Variants in TMCC1 observed in about 807,000 individuals in gnomAD.
TMCC1 encodes transmembrane and coiled-coil domains protein 1.
In TMCC1, 15 loss-of-function variants were observed where a neutral mutation model predicts 52.4. That is an observed-to-expected ratio of 0.29 (90% CI 0.19 to 0.44). TMCC1 has a LOEUF of 0.44. TMCC1 is among the 20% of genes least tolerant of loss of function. TMCC1 has a pLI of 1.00. For synonymous variants in TMCC1, 279 were observed against 301.9 expected, an observed-to-expected ratio of 0.92 and a Z score of 0.79; for missense variants, 503 against 806.0, an observed-to-expected ratio of 0.62 and a Z score of 4.55.
rs1271391134 is a variant in TMCC1 at position 129,778,175 on chromosome 3, TAAAC to T, written c.576+49624_576+49627del. On this transcript the variant is annotated intron_variant, in intron 4 of 6. Transcript: ENST00000393238. The stretch of plus-strand genomic sequence containing the variant: ...TCATACATGCTTAGCAAGCAAAACT[TAAAC>T]AAGACATATTCTTCTAAGCTGAAAT... Among the ~76,000 whole-genome samples the T allele has an allele frequency of 5.3e-5, 8 of 152,310 alleles. No individual in the cohort carries two copies. The East Asian group carries it at 9.6e-4, about 18-fold the overall frequency.
At chr3:129,665,009 CA>C (rs375618280) in intron 5 of TMCC1, among the ~76,000 whole-genome samples, 157 of 152,298 alleles carry the variant, frequency 1.0e-3, no homozygotes, top group African/African-American at 3.4e-3. Flanking sequence ...CTGCCACTAA[CA>C]AAACATGGGA....
chr3:129,744,570 A>G (rs2051758933), intron 4 of TMCC1, among the ~76,000 whole-genome samples: 1 of 152,176 alleles, frequency 6.6e-6, no homozygotes. Context: ...ACAAGCACAC[A>G]CACCTGTGCC....
At chr3:129,849,725 C>T (rs984158074) in intron 2 of TMCC1, among the ~76,000 whole-genome samples, 1 of 151,450 alleles carries the variant, frequency 6.6e-6, no homozygotes, top group Non-Finnish European at 1.5e-5. Context: ...AAGATCACAC[C>T]ACCGCACTAC....
At position 129,742,458 on chromosome 3, in the gene TMCC1, T is replaced by A. The variant is rs561378844; in HGVS notation, c.577-71194A>T. Among the ~76,000 whole-genome samples, 11 of 152,098 alleles carry A rather than the reference T, an allele frequency of 7.2e-5. No individual in the cohort carries two copies. In the East Asian group the frequency reaches 1.9e-3, roughly 27 times the overall value. ...TGATTACAAATGGCCAATAAGCACA[T>A]AAAAAGATGCTCAGCTCATCATTAA... is the stretch of plus-strand genomic sequence containing the variant. On this transcript the variant is annotated intron_variant, in intron 4 of 6. Transcript: ENST00000393238.
chr3:129,784,113 A>G (rs2055772641), intron 4 of TMCC1, among the ~76,000 whole-genome samples: 1 of 152,214 alleles, frequency 6.6e-6, no homozygotes, highest in African/African-American at 2.4e-5. Flanking sequence ...AAAGAAGACA[A>G]GAAGACAAGC....
chr3:129,766,315 G>A (rs1250507495), intron 4 of TMCC1, among the ~76,000 whole-genome samples: 1 of 152,070 alleles, frequency 6.6e-6, no homozygotes, highest in Non-Finnish European at 1.5e-5. Flanking sequence ...CAGGACATCT[G>A]TTTCTGAGCA....
At chr3:129,779,724 A>T (rs1027269291) in intron 4 of TMCC1, among the ~76,000 whole-genome samples, 2 of 152,138 alleles carry the variant, frequency 1.3e-5, no homozygotes, top group African/African-American at 4.8e-5. Flanking sequence ...CTACATCCTA[A>T]ATGAAAATGG....
In TMCC1 at chr3:129,670,338, C is replaced by A; in HGVS notation, c.1503G>T (p.Glu501Asp). ...AATTCCATGTGACTTACCTATATCG[C>A]TCCTCCTGTAAGGTCTGCATTATTA... ...YSLIMQTLQEERYRCERLEEQ... is the reference protein window; with the variant it reads ...YSLIMQTLQEDRYRCERLEEQ... The change falls in exon 5 of 7, where the codon GAG becomes GAT. Residue 501 changes from glutamate (E) to aspartate (D), a missense_variant. Coordinates refer to ENST00000393238, the MANE Select transcript of TMCC1 (RefSeq NM_001017395.5). 2 of 1,613,024 alleles carry A rather than the reference C, an allele frequency of 1.2e-6. No individual in the cohort carries two copies. The highest frequency in any genetic ancestry group is 1.7e-6 in the Non-Finnish European group (2 of 1,179,354).
chr3:129,859,990 A>G (rs543580482), intron 2 of TMCC1, among the ~76,000 whole-genome samples: 2 of 152,334 alleles, frequency 1.3e-5, no homozygotes, highest in South Asian at 4.1e-4. Context: ...ATGATAACTG[A>G]AAAAACCTGT....
chr3:129,770,129 A>G (rs2054436446), intron 4 of TMCC1, among the ~76,000 whole-genome samples: 1 of 152,222 alleles, frequency 6.6e-6, no homozygotes, highest in African/African-American at 2.4e-5. Context: ...TAAGGTTGAT[A>G]ACTATCTGGG....
At chr3:129,776,558 G>A (rs2061833065) in intron 4 of TMCC1, among the ~76,000 whole-genome samples, 2 of 152,192 alleles carry the variant, frequency 1.3e-5, no homozygotes, top group African/African-American at 4.8e-5. Flanking sequence ...CAAATAGGAA[G>A]GGCCAGAGAA....
intron 4 of TMCC1, among the ~76,000 whole-genome samples, chr3:129,766,280 G>A (rs1416850363): frequency 3.3e-5 from 5 of 152,114 alleles, no homozygotes; most frequent in East Asian, 1.9e-4. Context: ...AGACAGCAAC[G>A]CCCTGATGTG....
At chr3:129,870,699 AC>A (rs1265558918) in intron 2 of TMCC1, among the ~76,000 whole-genome samples, 3 of 91,284 alleles carry the variant, frequency 3.3e-5, no homozygotes, top group Non-Finnish European at 6.0e-5. Context: ...AGATCGTGCC[AC>A]TGCACTCCGC....
chr3:129,849,776 A>T lies in TMCC1; in HGVS notation c.-183-16950T>A, dbSNP rs553788731. Among the ~76,000 whole-genome samples, 8 of 151,370 alleles carry T rather than the reference A, an allele frequency of 5.3e-5. No homozygotes were observed. In the South Asian group the frequency reaches 1.5e-3, roughly 28 times the overall value. On this transcript the variant is annotated intron_variant, in intron 2 of 6. Transcript: ENST00000393238. ...GCGAGACTCCATCTCAAAAAAAAATAAAAAATAAAAAAAGTATCTCTACAT... is the reference window on the plus strand; with the variant it reads ...GCGAGACTCCATCTCAAAAAAAAATTAAAAATAAAAAAAGTATCTCTACAT...
chr3:129,700,890 T>C (rs1383594697), intron 4 of TMCC1, among the ~76,000 whole-genome samples: 1 of 152,242 alleles, frequency 6.6e-6, no homozygotes, highest in African/African-American at 2.4e-5. Flanking sequence ...AAGCAAATCC[T>C]TGACAAAAGA....
At chr3:129,768,539 C>T (rs1167355857) in intron 4 of TMCC1, among the ~76,000 whole-genome samples, 1 of 152,022 alleles carries the variant, frequency 6.6e-6, no homozygotes, top group Non-Finnish European at 1.5e-5. Flanking sequence ...TTGTCCTCTG[C>T]CCTGAGAAAC....
intron 4 of TMCC1, among the ~76,000 whole-genome samples, chr3:129,795,605 A>C (rs1411913792): frequency 2.0e-5 from 3 of 152,246 alleles, no homozygotes; most frequent in Non-Finnish European, 4.4e-5. Flanking sequence ...GATTTATCAA[A>C]ACAACCTTAT....
intron 4 of TMCC1, among the ~76,000 whole-genome samples, chr3:129,796,514 T>C (rs982425867): frequency 2.6e-5 from 4 of 152,128 alleles, no homozygotes; most frequent in African/African-American, 9.7e-5. Context: ...TAAGTAGTAA[T>C]TTCTCGCTCT....
At chr3:129,832,054 G>A (rs1445896439) in intron 3 of TMCC1, among the ~76,000 whole-genome samples, 3 of 151,766 alleles carry the variant, frequency 2.0e-5, no homozygotes, top group East Asian at 1.9e-4. Flanking sequence ...ATGGGGTTTC[G>A]CCATGTTGAC....
Sources: allele counts gnomAD v4.1 joint callset (sites outside exome capture counted in the v4.1 genomes callset), GRCh38; gene constraint gnomAD v4.1.1; transcripts MANE v1.5; gene names NCBI Gene and HGNC (gene_info 2026-07-23, HGNC 2026-07-21).